GNAI3: variants seen among roughly 807,000 people sequenced by gnomAD.
GNAI3 encodes the protein G protein subunit alpha i3, also known as guanine nucleotide-binding protein G(i) subunit alpha-3.
Under a neutral mutation model 41.8 loss-of-function variants are expected in GNAI3, and 12 were observed. The ratio of observed to expected loss-of-function variants is 0.29; its 90% CI spans 0.18 to 0.47. The LOEUF is 0.47. Among genes scored for constraint, GNAI3 ranks in the 20% least tolerant of loss-of-function variants. GNAI3 has a pLI of 1.00. For synonymous variants in GNAI3, 132 were observed against 146.5 expected (o/e 0.90, Z 0.71); for missense variants, 360 against 429.6 (o/e 0.84, Z 1.43).
At position 109,559,605 on chromosome 1, in the gene GNAI3, G is replaced by T. The variant is rs1571148736; in HGVS notation, c.118+10767G>T. Among the ~76,000 whole-genome samples the T allele has an allele frequency of 2.6e-5, 4 of 152,326 alleles. 1 individual carries two copies. The South Asian group carries it at 8.3e-4, about 32-fold the overall frequency. On this transcript the variant is annotated intron_variant, in intron 1 of 8. Transcript: ENST00000369851. ...TTAACATCATAAAGCTGGTTAGAAA[G>T]ATAGTTAAAAACTGAAGTTAAAAAC...
intron 1 of GNAI3, among the ~76,000 whole-genome samples, chr1:109,570,817 TTGAG>T (rs1350067622): frequency 2.6e-5 from 4 of 152,142 alleles, no homozygotes; most frequent in Non-Finnish European, 5.9e-5. Context: ...CCCATGGATT[TTGAG>T]TATAATTGAA....
chr1:109,588,548 G>C (rs1026208565), intron 7 of GNAI3, among the ~76,000 whole-genome samples: 8 of 152,086 alleles, frequency 5.3e-5, no homozygotes, highest in African/African-American at 1.9e-4. Context: ...TCAGAATCAG[G>C]TATTTCCAGA....
intron 1 of GNAI3, among the ~76,000 whole-genome samples, chr1:109,552,723 TG>T (rs1368306915): frequency 1.3e-5 from 2 of 152,202 alleles, no homozygotes; most frequent in African/African-American, 4.8e-5. Context: ...GTTTTGTTTT[TG>T]TTTTTTTTTG....
chr1:109,565,575 G>T (rs1648429632), intron 1 of GNAI3, among the ~76,000 whole-genome samples: 1 of 152,208 alleles, frequency 6.6e-6, no homozygotes, highest in African/African-American at 2.4e-5. Context: ...CTGGCATTGT[G>T]ATTAATGTTA....
intron 7 of GNAI3, among the ~76,000 whole-genome samples, chr1:109,589,255 G>A (rs983181566): frequency 6.6e-6 from 1 of 152,062 alleles, no homozygotes; most frequent in African/African-American, 2.4e-5. Context: ...CAAAAGGAGA[G>A]GTTAAAAAGT....
intron 6 of GNAI3, among the ~76,000 whole-genome samples, 176 bp from the exon 7 acceptor site, chr1:109,586,553 C>T (rs1035255638): frequency 6.6e-6 from 1 of 152,166 alleles, no homozygotes; most frequent in Admixed American, 6.5e-5. Flanking sequence ...CCTCCTACCT[C>T]CTCTCCCCCA....
intron 1 of GNAI3, among the ~76,000 whole-genome samples, chr1:109,551,318 C>CA (rs1647978311): frequency 6.6e-6 from 1 of 152,188 alleles, no homozygotes; most frequent in Non-Finnish European, 1.5e-5. Flanking sequence ...TTTCTATAAG[C>CA]AAAATGTACC....
chr1:109,578,433 G>A (rs1476973197), intron 3 of GNAI3, among the ~76,000 whole-genome samples: 2 of 134,788 alleles, frequency 1.5e-5, no homozygotes, highest in Non-Finnish European at 3.0e-5. Context: ...TCACATCATT[G>A]CACTCCAGCC....
intron 7 of GNAI3, among the ~76,000 whole-genome samples, chr1:109,588,536 G>T (rs993445372): frequency 6.6e-6 from 1 of 152,150 alleles, no homozygotes; most frequent in African/African-American, 2.4e-5. Context: ...GAAACTTATA[G>T]ATCAGAATCA....
At chr1:109,584,630 A>G (rs528399549) in intron 5 of GNAI3, among the ~76,000 whole-genome samples, 77 of 152,334 alleles carry the variant, frequency 5.1e-4, no homozygotes, top group Non-Finnish European at 8.2e-4. Flanking sequence ...AGGCAAAACT[A>G]CTATCCATTT....
rs1037845211 is a variant in GNAI3, at chr1:109,582,463, C to T, written c.488C>T (p.Ser163Phe). The change falls in exon 5 of 9, where the codon TCC (serine) becomes TTC (phenylalanine). Residue 163 changes from serine to phenylalanine, a missense_variant. Coordinates refer to ENST00000369851, the MANE Select transcript of GNAI3 (RefSeq NM_006496.4). ...TATCTAAATGATCTGGATAGAATAT[C>T]CCAGTCTAACTACATTCCAACTCAG... is the stretch of plus-strand genomic sequence containing the variant. Reference protein sequence around the residue: ...SYYLNDLDRISQSNYIPTQQD... With the variant: ...SYYLNDLDRIFQSNYIPTQQD... 1.9e-6 allele frequency: 3 copies of T among 1,602,642 alleles called. No homozygotes were observed. The highest frequency in any genetic ancestry group is 2.7e-5 in the African/African-American group (2 of 74,714).
chr1:109,579,178 G>T (rs368076592), intron 3 of GNAI3, 26 bp from the exon 4 acceptor site: 3 of 1,585,800 alleles, frequency 1.9e-6, no homozygotes, highest in Admixed American at 1.7e-5. Flanking sequence ...AGAGTCATCT[G>T]TCTCTTTCTT....
Position 109,595,491 on chromosome 1 carries a change from T to C in GNAI3, c.*3169T>C, listed in dbSNP as rs1649280463. 6.6e-6 allele frequency: 1 copy of C among 152,226 alleles called. No individual in the cohort carries two copies. Among genetic ancestry groups the C allele is most frequent in the Non-Finnish European group, 1.5e-5 (1 of 68,048 alleles). The allele number at this position is 152,226 out of a possible 1,614,324, so 9.4% of individuals were successfully genotyped here. A position where few individuals can be genotyped will look rare whatever the true frequency, so the allele number is the denominator to read the frequency against. On this transcript the variant is annotated 3_prime_UTR_variant, in exon 9 of 9. Transcript: ENST00000369851. ...GGACCAAAATTTTAAAAAAAACTTC[T>C]TGCCTTGTTTTTTTAATTTTCATAT...
chr1:109,551,679 C>T (rs1421507314), intron 1 of GNAI3, among the ~76,000 whole-genome samples: 2 of 152,154 alleles, frequency 1.3e-5, no homozygotes, highest in Admixed American at 6.5e-5. Flanking sequence ...TAAAGCAGAA[C>T]ACAGCTTGGC....
chr1:109,579,858 G>A (rs180677859), intron 4 of GNAI3, among the ~76,000 whole-genome samples: 2 of 152,346 alleles, frequency 1.3e-5, no homozygotes, highest in Admixed American at 6.5e-5. Context: ...ATGGAATGAA[G>A]TTGAAGTATC....
At chr1:109,579,398 T>A in intron 4 of GNAI3, 37 bp downstream of exon 4, 1 of 1,508,344 alleles carries the variant, frequency 6.6e-7, no homozygotes, top group Non-Finnish European at 9.2e-7. Flanking sequence ...TAACAGAGAA[T>A]AACTTGGTGA....
At chr1:109,574,364 A>G (rs1012350973) in intron 3 of GNAI3, among the ~76,000 whole-genome samples, 10 of 151,894 alleles carry the variant, frequency 6.6e-5, no homozygotes, top group African/African-American at 1.9e-4. Context: ...ATAATCTAAG[A>G]GAAAGGTTGC....
intron 4 of GNAI3, among the ~76,000 whole-genome samples, chr1:109,581,739 A>G (rs566131420): frequency 6.6e-6 from 1 of 152,142 alleles, no homozygotes; most frequent in East Asian, 1.9e-4. Flanking sequence ...AATACAAAAA[A>G]TTAGCTGGGC....
At chr1:109,580,176 T>G (rs765081966) in intron 4 of GNAI3, among the ~76,000 whole-genome samples, 4 of 152,120 alleles carry the variant, frequency 2.6e-5, no homozygotes, top group Non-Finnish European at 5.9e-5. Context: ...TAATTTGTAT[T>G]TTTAGTAGAG....
Sources: gnomAD v4.1 joint callset for allele counts (sites outside exome capture counted in the v4.1 genomes callset) on GRCh38, gnomAD v4.1.1 for gene constraint, MANE v1.5 for transcripts, NCBI Gene and HGNC (gene_info 2026-07-23, HGNC 2026-07-21) for gene names.